Variants in AGPS observed in about 807,000 individuals in gnomAD.
The protein encoded by AGPS is alkylglycerone phosphate synthase.
A neutral mutation model predicts 90.7 loss-of-function variants in AGPS; 26 were observed. The ratio of observed to expected loss-of-function variants is 0.29; its 90% confidence interval spans 0.21 to 0.40. The LOEUF (loss-of-function observed/expected upper bound fraction) is 0.40, where lower values mean the gene tolerates loss of function less well. Ranked by LOEUF, AGPS falls within the 10% of genes least tolerant of loss-of-function variation. AGPS has a pLI of 1.00. For synonymous variants in AGPS, 294 were observed against 285.3 expected (o/e 1.03, Z -0.31); for missense variants, 540 against 816.1 (o/e 0.66, Z 4.12).
chr2:177,402,926 G>A (rs1685369163), intron 1 of AGPS, among the ~76,000 whole-genome samples: 3 of 152,060 alleles, frequency 2.0e-5, no homozygotes. Context: ...GCGTGGTGGT[G>A]CACGCCTGTA....
intron 15 of AGPS, among the ~76,000 whole-genome samples, chr2:177,506,006 TAAAG>T (rs1365756484): frequency 1.3e-5 from 2 of 151,944 alleles, no homozygotes; most frequent in Non-Finnish European, 1.5e-5. Flanking sequence ...ATTATAGAAT[TAAAG>T]AAATAATTAT....
intron 12 of AGPS, among the ~76,000 whole-genome samples, chr2:177,495,781 G>A (rs1470695457): frequency 6.6e-6 from 1 of 150,480 alleles, no homozygotes; most frequent in Non-Finnish European, 1.5e-5. Flanking sequence ...AGCTGGGCAT[G>A]TTGGCGAGCA....
At chr2:177,523,837 T>G in intron 19 of AGPS, 32 bp downstream of exon 19, 2 of 1,559,830 alleles carry the variant, frequency 1.3e-6, no homozygotes, top group South Asian at 2.2e-5. Flanking sequence ...ATTTCTAATA[T>G]TCTTACTTTA....
chr2:177,530,365 A>C (rs2079128013), intron 19 of AGPS, among the ~76,000 whole-genome samples: 1 of 152,254 alleles, frequency 6.6e-6, no homozygotes, highest in Non-Finnish European at 1.5e-5. Context: ...GTATAATTGC[A>C]TAAAGCAGAA....
chr2:177,473,157 G>T (rs2105682070), intron 10 of AGPS, among the ~76,000 whole-genome samples: 1 of 152,238 alleles, frequency 6.6e-6, no homozygotes, highest in South Asian at 2.1e-4. Flanking sequence ...TCTCTACTTA[G>T]AGGTAATTTG....
chr2:177,536,248 T>C (rs572484826), intron 19 of AGPS, among the ~76,000 whole-genome samples: 100 of 152,176 alleles, frequency 6.6e-4, no homozygotes, highest in Non-Finnish European at 1.1e-3. Flanking sequence ...TTCAGGACAA[T>C]TACATCCATA....
At chr2:177,501,535 A>C (rs1688560104) in intron 14 of AGPS, among the ~76,000 whole-genome samples, 1 of 152,196 alleles carries the variant, frequency 6.6e-6, no homozygotes, top group African/African-American at 2.4e-5. Flanking sequence ...ATGAAAGTGA[A>C]TACTATATTT....
At chr2:177,536,094 G>C (rs2079181469) in intron 19 of AGPS, among the ~76,000 whole-genome samples, 1 of 152,082 alleles carries the variant, frequency 6.6e-6, no homozygotes, top group South Asian at 2.1e-4. Flanking sequence ...AATGGCTGTT[G>C]GGTGGCTTCT....
chr2:177,422,754 C>T (rs905989163), intron 2 of AGPS, among the ~76,000 whole-genome samples: 3 of 152,180 alleles, frequency 2.0e-5, no homozygotes, highest in African/African-American at 7.2e-5. Flanking sequence ...TACCTTGTCA[C>T]AGGATAATAA....
intron 11 of AGPS, among the ~76,000 whole-genome samples, chr2:177,484,992 T>C (rs1688053898): frequency 6.6e-6 from 1 of 152,134 alleles, no homozygotes; most frequent in African/African-American, 2.4e-5. Context: ...GGTCTTGAAC[T>C]CCTGGACTCA....
At chr2:177,515,400 T>G (rs972086633) in intron 17 of AGPS, among the ~76,000 whole-genome samples, 1 of 152,164 alleles carries the variant, frequency 6.6e-6, no homozygotes, top group East Asian at 1.9e-4. Flanking sequence ...AAATCTATTC[T>G]TGTGTAGTTG....
rs762498833 is a variant in AGPS, at chr2:177,482,042, C to A, written c.1106-17C>A. ...TGTCATGTGATGTACTGGATTATTC[C>A]CCCTTCTTTTTTTCAGGAACTCTTG... On this transcript the variant is annotated splice_polypyrimidine_tract_variant and intron_variant, in intron 10 of 19. Coordinates refer to ENST00000264167, the MANE Select transcript of AGPS (RefSeq NM_003659.4). 1.3e-6 allele frequency: 2 copies of A among 1,587,070 alleles called. No individual in the cohort carries two copies. Among genetic ancestry groups the A allele is most frequent in the Non-Finnish European group, 1.7e-6 (2 of 1,162,984 alleles).
chr2:177,441,066 T>A, intron 6 of AGPS, 30 bp downstream of exon 6: 2 of 1,514,884 alleles, frequency 1.3e-6, no homozygotes, highest in Non-Finnish European at 1.8e-6. Context: ...AATTTTAATA[T>A]GTAAATTTGT....
intron 8 of AGPS, among the ~76,000 whole-genome samples, chr2:177,460,657 T>A (rs1176018348): frequency 6.6e-6 from 1 of 152,200 alleles, no homozygotes; most frequent in Non-Finnish European, 1.5e-5. Flanking sequence ...GTAACAGTAG[T>A]GTTTTAAGAG....
intron 10 of AGPS, among the ~76,000 whole-genome samples, chr2:177,473,450 A>AG (rs1687685739): frequency 1.3e-5 from 2 of 152,214 alleles, no homozygotes; most frequent in Non-Finnish European, 2.9e-5. Flanking sequence ...GAAAATTCTG[A>AG]AGTTTATTGA....
intron 13 of AGPS, 50 bp from the exon 14 acceptor site, chr2:177,499,568 T>A (rs754100614): frequency 2.6e-5 from 31 of 1,199,498 alleles, no homozygotes; most frequent in Non-Finnish European, 3.8e-5. Context: ...TGATTTATTG[T>A]TTTGTAGGAT....
intron 10 of AGPS, among the ~76,000 whole-genome samples, chr2:177,477,747 G>C (rs535987263): frequency 6.6e-6 from 1 of 152,140 alleles, no homozygotes; most frequent in East Asian, 1.9e-4. Flanking sequence ...ATTACCATCT[G>C]TAATCGTATC....
rs1165874807 is a variant in AGPS, at chr2:177,521,256, G to A, written c.1698-13G>A. On this transcript the variant is annotated splice_polypyrimidine_tract_variant and intron_variant, in intron 17 of 19. Coordinates refer to ENST00000264167, the MANE Select transcript of AGPS (RefSeq NM_003659.4). Reference sequence around the variant, plus strand: ...AACTTAAAGCCCCTGTGGGGATTTTGTTTGTTTTTTAGGGTGACGCAGACT... The same window carrying A: ...AACTTAAAGCCCCTGTGGGGATTTTATTTGTTTTTTAGGGTGACGCAGACT... 1.9e-6 allele frequency: 3 copies of A among 1,612,272 alleles called. No homozygotes were observed. The highest frequency in any genetic ancestry group is 2.5e-6 in the Non-Finnish European group (3 of 1,178,420).
intron 16 of AGPS, among the ~76,000 whole-genome samples, chr2:177,510,232 T>A (rs964722164): frequency 2.0e-5 from 3 of 152,152 alleles, no homozygotes; most frequent in Admixed American, 1.3e-4. Flanking sequence ...GGTGAAGGCC[T>A]TCTTCCTGGT....
Sources: gnomAD v4.1 joint callset for allele counts (sites outside exome capture counted in the v4.1 genomes callset) on GRCh38, gnomAD v4.1.1 for gene constraint, MANE v1.5 for transcripts, NCBI Gene and HGNC (gene_info 2026-07-23, HGNC 2026-07-21) for gene names.